The following TINAG variants were observed in gnomAD, a reference collection of about 807,000 sequenced individuals.
TINAG encodes tubulointerstitial nephritis antigen.
A neutral mutation model predicts 72.7 loss-of-function variants in TINAG; 83 were observed. The ratio of observed to expected loss-of-function variants is 1.14; its 90% confidence interval spans 0.96 to 1.37. The LOEUF (loss-of-function observed/expected upper bound fraction) is 1.37. Ranked by LOEUF, TINAG falls within the 40% of genes most tolerant of loss-of-function variation. TINAG has a pLI of 0.00. For missense variants in TINAG, 685 were observed against 576.6 expected (o/e 1.19, Z -1.93); for synonymous variants, 234 against 189.9 (o/e 1.23, Z -1.91).
intron 10 of TINAG, among the ~76,000 whole-genome samples, chr6:54,386,782 G>A (rs1582768149): frequency 6.6e-6 from 1 of 151,624 alleles, no homozygotes; most frequent in Non-Finnish European, 1.5e-5. Flanking sequence ...ATTTGAGATG[G>A]AGCAGAGACC....
Position 54,310,870 on chromosome 6 carries a change from T to C in TINAG, c.355+1965T>C, listed in dbSNP as rs540318608. 2.0e-4 allele frequency among the ~76,000 whole-genome samples: 26 copies of C among 130,776 alleles called. 2 individuals are homozygous for C. The East Asian group carries it at 6.2e-3, about 31-fold the overall frequency. 85.8% of individuals were successfully genotyped at this position (130,776 alleles called of 152,430 possible). ...CTCTTTCTCTCGCTCTTTCTTTCTC[T>C]TTCTTTTTTTCTCTCTCTATTTCTC... On this transcript the variant is annotated intron_variant, in intron 1 of 10. Coordinates refer to ENST00000259782, the MANE Select transcript of TINAG (RefSeq NM_014464.4).
At chr6:54,376,310 GC>G (rs1763776057) in intron 9 of TINAG, among the ~76,000 whole-genome samples, 1 of 151,828 alleles carries the variant, frequency 6.6e-6, no homozygotes, top group Admixed American at 6.6e-5. Context: ...TTTTTCGAAA[GC>G]AAAATATATG....
chr6:54,360,841 G>GTTTTTTTTGTTTTTTTTTTTTTTTTT (rs1763206058), intron 9 of TINAG, among the ~76,000 whole-genome samples: 1 of 26,242 alleles, frequency 3.8e-5, no homozygotes, highest in Non-Finnish European at 8.5e-5. Flanking sequence ...CAGATACTGT[G>GTTTTTTTTGTTTTTTTTTTTTTTTTT]TTTTTTTTTT....
chr6:54,324,973 C>T (rs1784570949), intron 3 of TINAG, among the ~76,000 whole-genome samples: 1 of 152,112 alleles, frequency 6.6e-6, no homozygotes, highest in Non-Finnish European at 1.5e-5. Context: ...GTTTTCAGCC[C>T]CTGTGTCCCT....
At chr6:54,310,521 C>G (rs1784218901) in intron 1 of TINAG, among the ~76,000 whole-genome samples, 1 of 142,496 alleles carries the variant, frequency 7.0e-6, no homozygotes, top group African/African-American at 2.6e-5. Context: ...TCTTTCTTTT[C>G]TTTCTTTCTC....
chr6:54,375,383 G>A (rs569698198), intron 9 of TINAG, among the ~76,000 whole-genome samples: 246 of 152,220 alleles, frequency 1.6e-3, no homozygotes, highest in African/African-American at 5.1e-3. Context: ...AGAAGGTGAA[G>A]CAATTCTGTA....
At chr6:54,344,287 G>C (rs1426540131) in intron 5 of TINAG, among the ~76,000 whole-genome samples, 1 of 152,106 alleles carries the variant, frequency 6.6e-6, no homozygotes, top group Admixed American at 6.6e-5. Context: ...GTATCAATCA[G>C]ACAACTCCAG....
chr6:54,316,745 T>C (rs1300508442), intron 1 of TINAG, among the ~76,000 whole-genome samples: 1 of 152,194 alleles, frequency 6.6e-6, no homozygotes, highest in African/African-American at 2.4e-5. Context: ...AAATAAATTA[T>C]AGACAACATA....
chr6:54,372,437 A>G (rs1582753147), intron 9 of TINAG, among the ~76,000 whole-genome samples: 1 of 152,024 alleles, frequency 6.6e-6, no homozygotes, highest in Non-Finnish European at 1.5e-5. Context: ...CCTCTGTCAT[A>G]GGTGTTGCTC....
intron 9 of TINAG, among the ~76,000 whole-genome samples, chr6:54,370,325 GA>G (rs1457699278): frequency 6.6e-6 from 1 of 151,946 alleles, no homozygotes; most frequent in African/African-American, 2.4e-5. Flanking sequence ...GTGGTGAAAA[GA>G]AAAGATTACA....
In TINAG at chr6:54,339,924, A is replaced by G. The variant is rs1784957684; in HGVS notation, c.625-3302A>G. 6.6e-5 allele frequency among the ~76,000 whole-genome samples: 10 copies of G among 152,320 alleles called. No homozygotes were observed. In the South Asian group the frequency reaches 1.9e-3, roughly 28 times the overall value. On this transcript the variant is annotated intron_variant, in intron 4 of 10. Transcript: ENST00000259782. ...AACTGAAAATATAGGGCTGATGCACATAGAGGATATTGTGTGGATACAGAC... is the reference window on the plus strand; with the variant it reads ...AACTGAAAATATAGGGCTGATGCACGTAGAGGATATTGTGTGGATACAGAC...
chr6:54,372,066 ACTGCAACCTCCG>A (rs540434303), intron 9 of TINAG, among the ~76,000 whole-genome samples: 13 of 132,596 alleles, frequency 9.8e-5, no homozygotes, highest in Non-Finnish European at 1.8e-4. Flanking sequence ...ATCTGGGCTC[ACTGCAACCTCCG>A]CCTCCTGGGT....
At chr6:54,322,181 G>A (rs1355368732) in intron 3 of TINAG, among the ~76,000 whole-genome samples, 1 of 152,012 alleles carries the variant, frequency 6.6e-6, no homozygotes, top group Non-Finnish European at 1.5e-5. Flanking sequence ...GGTGGTGCAT[G>A]CCGATAATCC....
At chr6:54,311,845 T>G (rs556658468) in intron 1 of TINAG, among the ~76,000 whole-genome samples, 1 of 152,270 alleles carries the variant, frequency 6.6e-6, no homozygotes, top group African/African-American at 2.4e-5. Context: ...CAGCTAGAAT[T>G]TTGAATAGAA....
In TINAG at chr6:54,360,841, G is replaced by GTTTTTTTTTTTTTTTTTTT. The variant is rs70983415; in HGVS notation, c.1250+6218_1250+6236dup. Among the ~76,000 whole-genome samples the GTTTTTTTTTTTTTTTTTTT allele has an allele frequency of 1.1e-3, 29 of 26,248 alleles. 7 individuals are homozygous for GTTTTTTTTTTTTTTTTTTT. The highest frequency in any genetic ancestry group is 2.5e-3 in the East Asian group (2 of 804). The allele number at this position is 26,248 out of a possible 152,430, so 17.2% of individuals were successfully genotyped here. A position where few individuals can be genotyped will look rare whatever the true frequency, so the allele number is the denominator to read the frequency against. ...GTTTCTTGTGTTTCACAGATACTGT[G>GTTTTTTTTTTTTTTTTTTT]TTTTTTTTTTTTTTTTTTTTTTTTT... On this transcript the variant is annotated intron_variant, in intron 9 of 10. Transcript: ENST00000259782.
chr6:54,317,496 G>T (rs1207804356), intron 1 of TINAG, among the ~76,000 whole-genome samples: 3 of 152,002 alleles, frequency 2.0e-5, no homozygotes, highest in Non-Finnish European at 4.4e-5. Flanking sequence ...TCTCTTGCCT[G>T]CCACCATATA....
intron 10 of TINAG, among the ~76,000 whole-genome samples, chr6:54,387,341 G>A (rs1202151060): frequency 6.6e-6 from 1 of 152,106 alleles, no homozygotes; most frequent in African/African-American, 2.4e-5. Context: ...TGTTCATCAT[G>A]TTTATCACCA....
At chr6:54,336,300 G>A (rs1784864106) in intron 4 of TINAG, among the ~76,000 whole-genome samples, 1 of 152,042 alleles carries the variant, frequency 6.6e-6, no homozygotes, top group Non-Finnish European at 1.5e-5. Flanking sequence ...ATTGACCTTG[G>A]GAGAATAGCA....
At chr6:54,343,474 CATT>C (rs1785049097) in intron 5 of TINAG, 125 bp downstream of exon 5, 10 of 956,444 alleles carry the variant, frequency 1.0e-5, no homozygotes, top group Admixed American at 3.8e-5. Context: ...AATAAAATCT[CATT>C]ATGATGGAAG....
Sources: gnomAD v4.1 joint callset for allele counts (sites outside exome capture counted in the v4.1 genomes callset) on GRCh38, gnomAD v4.1.1 for gene constraint, MANE v1.5 for transcripts, NCBI Gene and HGNC (gene_info 2026-07-23, HGNC 2026-07-21) for gene names.